The following ZMYND12 variants were observed in gnomAD, a reference collection of about 807,000 sequenced individuals.
ZMYND12 encodes the protein zinc finger MYND domain-containing protein 12.
A neutral mutation model predicts 41.7 loss-of-function variants in ZMYND12; 32 were observed. That is an observed-to-expected ratio of 0.77 (90% CI 0.58 to 1.03). The LOEUF (loss-of-function observed/expected upper bound fraction) is 1.03, where lower values mean the gene tolerates loss of function less well. Among genes scored for constraint, ZMYND12 ranks in the 50% least tolerant of loss-of-function variants. ZMYND12 has a pLI of 0.00. For missense variants in ZMYND12, 424 were observed against 438.5 expected, an observed-to-expected ratio of 0.97 and a Z score of 0.30; for synonymous variants, 148 against 164.8, an observed-to-expected ratio of 0.90 and a Z score of 0.78.
chr1:42,441,681 C>T (rs1303280206), intron 3 of ZMYND12, among the ~76,000 whole-genome samples: 3 of 151,864 alleles, frequency 2.0e-5, no homozygotes, highest in African/African-American at 4.8e-5. Flanking sequence ...AGTGCAGTGG[C>T]GGGATCTCGG....
At chr1:42,436,135 A>C (rs3762450) in intron 5 of ZMYND12, among the ~76,000 whole-genome samples, 34,807 of 152,146 alleles carry the variant, frequency 0.23, 4,195 homozygotes, top group South Asian at 0.44. Context: ...GGTATGACAC[A>C]GCATACAACA....
At chr1:42,446,511 G>C (rs1643025513) in intron 3 of ZMYND12, among the ~76,000 whole-genome samples, 1 of 151,996 alleles carries the variant, frequency 6.6e-6, no homozygotes, top group Non-Finnish European at 1.5e-5. Flanking sequence ...AATGAGCCAG[G>C]CGTGGTGGCA....
chr1:42,436,172 C>G (rs1352762480), intron 5 of ZMYND12, among the ~76,000 whole-genome samples: 3 of 152,220 alleles, frequency 2.0e-5, no homozygotes, highest in Non-Finnish European at 4.4e-5. Flanking sequence ...TTGGCTCTTA[C>G]TGACCTGTCC....
At chr1:42,450,765 C>A (rs1557771465) in intron 1 of ZMYND12, among the ~76,000 whole-genome samples, 1 of 152,148 alleles carries the variant, frequency 6.6e-6, no homozygotes, top group Admixed American at 6.5e-5. Context: ...GCTTTGCCAG[C>A]ATCTAAGTTT....
At chr1:42,442,146 G>A (rs1461573653) in intron 3 of ZMYND12, among the ~76,000 whole-genome samples, 1 of 152,082 alleles carries the variant, frequency 6.6e-6, no homozygotes, top group African/African-American at 2.4e-5. Context: ...GTTATACCAA[G>A]GAACTTGATG....
chr1:42,443,232 G>A (rs949180093), intron 3 of ZMYND12, among the ~76,000 whole-genome samples: 1 of 152,204 alleles, frequency 6.6e-6, no homozygotes, highest in Non-Finnish European at 1.5e-5. Context: ...AGAAGAATGG[G>A]CTACTACTAG....
At chr1:42,439,117 T>C (rs1235773337) in intron 4 of ZMYND12, among the ~76,000 whole-genome samples, 2 of 152,228 alleles carry the variant, frequency 1.3e-5, no homozygotes, top group Non-Finnish European at 2.9e-5. Flanking sequence ...ATACATTTAT[T>C]GTCCTATTAT....
At chr1:42,431,834 C>T (rs886876161) in intron 7 of ZMYND12, among the ~76,000 whole-genome samples, 5 of 152,226 alleles carry the variant, frequency 3.3e-5, no homozygotes, top group East Asian at 1.9e-4. Context: ...CTCTGGGCTT[C>T]GCTGTCACAC....
chr1:42,436,207 G>A lies in ZMYND12; in HGVS notation c.717+214C>T, dbSNP rs138340740. On this transcript the variant is annotated intron_variant, in intron 5 of 7. Coordinates refer to ENST00000372565, the MANE Select transcript of ZMYND12 (RefSeq NM_032257.5). ...CTTCATTATTCGTTAATCACCCTAC[G>A]GATGTTAAGGGTTAGTCTATTTTGG... 3.4e-3 allele frequency among the ~76,000 whole-genome samples: 516 copies of A among 152,264 alleles called. 4 individuals are homozygous for A. Among genetic ancestry groups the A allele is most frequent in the Non-Finnish European group, 4.0e-3 (270 of 68,036 alleles).
chr1:42,438,072 G>A (rs1642926990), intron 4 of ZMYND12, among the ~76,000 whole-genome samples: 1 of 151,868 alleles, frequency 6.6e-6, no homozygotes, highest in Non-Finnish European at 1.5e-5. Context: ...GCCTCCCAAA[G>A]TGCTGGGATT....
intron 1 of ZMYND12, among the ~76,000 whole-genome samples, chr1:42,453,705 C>A (rs182046832): frequency 6.6e-6 from 1 of 152,312 alleles, no homozygotes; most frequent in East Asian, 1.9e-4. Flanking sequence ...CTTTCCCAAG[C>A]CTGAGTGGCA....
rs1257451367 is a variant in ZMYND12, at chr1:42,430,827, A to G, written c.1007T>C (p.Leu336Pro). ...AQEYGMRALS[L>P]AKEQQLDVHE... ...GACATCAAGCTGTTGTTCTTTGGCT[A>G]GACTGAGGGCCCTCATGCCATATTC... Residue 336 changes from leucine to proline, a missense_variant, in exon 8 of 8, where the codon CTA (leucine) becomes CCA (proline). By Grantham distance (98) the Leu-to-Pro change is moderately conservative. Transcript: ENST00000372565. The G allele has an allele frequency of 1.5e-5, 25 of 1,614,120 alleles. No individual in the cohort carries two copies. Among genetic ancestry groups the G allele is most frequent in the Non-Finnish European group, 2.1e-5 (25 of 1,180,038 alleles).
rs371677044 is a variant in ZMYND12, at chr1:42,436,515, G to A, written c.623C>T (p.Thr208Ile). 9.9e-6 allele frequency: 16 copies of A among 1,613,394 alleles called. No homozygotes were observed. The highest frequency in any genetic ancestry group is 1.4e-5 in the Non-Finnish European group (16 of 1,179,558). ...GCCTCCTGAAGTCCTAATGTCCTCT[G>A]TTCCAAATGCACAACTGGCAAAATA... ...DIYFASCAFG[T>I]EDIRTSGGYF... Residue 208 changes from threonine to isoleucine, a missense_variant, in exon 5 of 8, where the codon ACA (threonine) becomes ATA (isoleucine). Coordinates refer to ENST00000372565, the MANE Select transcript of ZMYND12 (RefSeq NM_032257.5).
intron 6 of ZMYND12, among the ~76,000 whole-genome samples, chr1:42,434,633 T>C (rs1249755350): frequency 6.6e-6 from 1 of 151,754 alleles, no homozygotes; most frequent in Admixed American, 6.6e-5. Flanking sequence ...TGAACCCTAT[T>C]GTGAACTGTG....
At chr1:42,433,406 G>A (rs1350163306) in intron 6 of ZMYND12, 118 bp from the exon 7 acceptor site, 1 of 1,186,980 alleles carries the variant, frequency 8.4e-7, no homozygotes, top group South Asian at 1.8e-5. Flanking sequence ...GGCACTGGTG[G>A]AAATAGCACC....
In ZMYND12 at chr1:42,453,922, T is replaced by C. The variant is rs186380952; in HGVS notation, c.110+1966A>G. Among the ~76,000 whole-genome samples the C allele has an allele frequency of 1.7e-3, 261 of 152,278 alleles. 2 individuals are homozygous for C. The highest frequency in any genetic ancestry group is 2.9e-3 in the Non-Finnish European group (194 of 68,018). ...TGGCCACTGGGTCTAGTAAAAGACA[T>C]AGACATCAGACAAGCAAACACAATA... On this transcript the variant is annotated intron_variant, in intron 1 of 7. Coordinates refer to ENST00000372565, the MANE Select transcript of ZMYND12 (RefSeq NM_032257.5).
chr1:42,452,056 GT>G (rs938153477), intron 1 of ZMYND12, among the ~76,000 whole-genome samples: 4 of 151,210 alleles, frequency 2.6e-5, no homozygotes, highest in East Asian at 1.9e-4. Flanking sequence ...CTATTATCAT[GT>G]TTTTTTTTAA....
At chr1:42,446,239 G>A (rs1643022565) in intron 3 of ZMYND12, among the ~76,000 whole-genome samples, 1 of 152,194 alleles carries the variant, frequency 6.6e-6, no homozygotes, top group Non-Finnish European at 1.5e-5. Flanking sequence ...ACCAATGAAA[G>A]TGAAAGCTGT....
chr1:42,455,393 C>T (rs1643150082), intron 1 of ZMYND12, among the ~76,000 whole-genome samples: 1 of 152,282 alleles, frequency 6.6e-6, no homozygotes, highest in African/African-American at 2.4e-5. Flanking sequence ...CTGCTTCAGC[C>T]TCCCGAGTAG....
Sources: gnomAD v4.1 joint callset for allele counts (sites outside exome capture counted in the v4.1 genomes callset) on GRCh38, gnomAD v4.1.1 for gene constraint, MANE v1.5 for transcripts, NCBI Gene and HGNC (gene_info 2026-07-23, HGNC 2026-07-21) for gene names.